The following NLGN1 variants were observed in gnomAD, a reference collection of about 807,000 sequenced individuals.
The protein encoded by NLGN1 is neuroligin-1.
NLGN1 carries 12 observed loss-of-function variants against 65.5 expected under a neutral mutation model. The observed-to-expected ratio is 0.18, with a 90% CI of 0.12 to 0.30. The LOEUF (loss-of-function observed/expected upper bound fraction) is 0.30. NLGN1 is among the 10% of genes least tolerant of loss of function. The pLI, the probability that NLGN1 is intolerant of heterozygous loss-of-function variation, is 1.00. For synonymous variants in NLGN1, 350 were observed against 359.5 expected (o/e 0.97, Z 0.30); for missense variants, 750 against 1,007.1 (o/e 0.74, Z 3.46).
chr3:173,827,342 A>G (rs181493855), intron 4 of NLGN1, among the ~76,000 whole-genome samples: 192 of 152,166 alleles, frequency 1.3e-3, no homozygotes, highest in African/African-American at 4.4e-3. Context: ...ATTTAAGGGA[A>G]CAAAATTGCT....
chr3:173,935,636 TCTC>T (rs1744939101), intron 4 of NLGN1, among the ~76,000 whole-genome samples: 6 of 109,794 alleles, frequency 5.5e-5, no homozygotes, highest in African/African-American at 2.2e-4. Flanking sequence ...TCTCTCTCTC[TCTC>T]TCTCTCTCTC....
chr3:173,806,922 G>A (rs1490727572), intron 3 of NLGN1, among the ~76,000 whole-genome samples: 2 of 152,216 alleles, frequency 1.3e-5, no homozygotes, highest in South Asian at 4.1e-4. Flanking sequence ...GCCAAAGCGT[G>A]AAGAAGAAGA....
intron 4 of NLGN1, among the ~76,000 whole-genome samples, chr3:173,828,743 C>T (rs190758163): frequency 1.3e-5 from 2 of 152,012 alleles, no homozygotes; most frequent in African/African-American, 4.8e-5. Context: ...GAAAATATAT[C>T]ATGTTGATAT....
At chr3:173,883,555 T>C (rs1430163400) in intron 4 of NLGN1, among the ~76,000 whole-genome samples, 2 of 152,172 alleles carry the variant, frequency 1.3e-5, no homozygotes, top group Non-Finnish European at 2.9e-5. Context: ...TGATGCAATG[T>C]TGCCACAAAT....
chr3:173,396,120 C>G (rs1228009666), upstream of NLGN1, among the ~76,000 whole-genome samples: 2 of 152,172 alleles, frequency 1.3e-5, no homozygotes, highest in Non-Finnish European at 2.9e-5. Context: ...GCCACCTCCC[C>G]GCCTATGATT....
chr3:174,203,623 A>C (rs1734897982), intron 4 of NLGN1, among the ~76,000 whole-genome samples: 1 of 152,192 alleles, frequency 6.6e-6, no homozygotes. Flanking sequence ...AAATGGATGA[A>C]AGATCAAAGA....
In NLGN1 at chr3:173,901,363, T is replaced by TGG. The variant is rs1387951154; in HGVS notation, c.646+93531_646+93532insGG. 2.2e-4 allele frequency among the ~76,000 whole-genome samples: 29 copies of TGG among 133,404 alleles called. 1 individual carries two copies. In the East Asian group the frequency reaches 4.3e-3, roughly 20 times the overall value. The allele number at this position is 133,404 out of a possible 152,430, so 87.5% of individuals were successfully genotyped here. A position where few individuals can be genotyped will look rare whatever the true frequency, so the allele number is the denominator to read the frequency against. On this transcript the variant is annotated intron_variant, in intron 4 of 6. Coordinates refer to ENST00000457714, the Ensembl canonical transcript of NLGN1. ...AATATTTGAAAAACTAGTATTTTTT[T>TGG]TGGGGGGGTGTGTGTGTGTGTGTTT...
intron 4 of NLGN1, among the ~76,000 whole-genome samples, chr3:174,271,120 A>C (rs1749314183): frequency 6.6e-6 from 1 of 151,830 alleles, no homozygotes; most frequent in African/African-American, 2.4e-5. Flanking sequence ...CTTGAGCTAC[A>C]TAATGTGGAC....
At chr3:173,584,697 G>C (rs1747036463) in intron 2 of NLGN1, 1 of 150,852 alleles carries the variant, frequency 6.6e-6, no homozygotes, top group South Asian at 2.1e-4. Context: ...GTGGCTTTGG[G>C]TCCCCAGGAT....
chr3:173,628,972 G>T (rs1195896897), intron 3 of NLGN1, among the ~76,000 whole-genome samples: 1 of 144,274 alleles, frequency 6.9e-6, no homozygotes, highest in South Asian at 2.3e-4. Context: ...GGGATTACAC[G>T]CTGAATATAA....
intron 4 of NLGN1, among the ~76,000 whole-genome samples, chr3:173,973,300 T>A (rs1716693859): frequency 6.6e-6 from 1 of 152,128 alleles, no homozygotes; most frequent in South Asian, 2.1e-4. Context: ...ATTGCCCGCT[T>A]AGTAGCCAAG....
intron 2 of NLGN1, among the ~76,000 whole-genome samples, chr3:173,527,634 T>C (rs900909269): frequency 7.9e-5 from 12 of 152,218 alleles, no homozygotes; most frequent in Non-Finnish European, 1.8e-4. Flanking sequence ...CCTGACCTCG[T>C]GATCTGCCCG....
intron 4 of NLGN1, among the ~76,000 whole-genome samples, chr3:173,990,790 TATTA>T (rs776046760): frequency 1.3e-5 from 2 of 152,210 alleles, no homozygotes; most frequent in African/African-American, 4.8e-5. Flanking sequence ...TAATGAAAGA[TATTA>T]ATTCTATATT....
At chr3:173,597,931 A>G (rs193084269) in intron 2 of NLGN1, among the ~76,000 whole-genome samples, 3 of 151,758 alleles carry the variant, frequency 2.0e-5, no homozygotes, top group African/African-American at 7.3e-5. Flanking sequence ...GTTTTCAAAC[A>G]TTTTTTTCTG....
At chr3:173,745,282 A>C (rs1213003886) in intron 3 of NLGN1, among the ~76,000 whole-genome samples, 2 of 152,060 alleles carry the variant, frequency 1.3e-5, no homozygotes, top group Non-Finnish European at 2.9e-5. Context: ...CCATCCACTG[A>C]AAGAACATTC....
chr3:173,639,646 T>A (rs1014147950), intron 3 of NLGN1, among the ~76,000 whole-genome samples: 1 of 152,194 alleles, frequency 6.6e-6, no homozygotes, highest in African/African-American at 2.4e-5. Context: ...GGACTAGCAA[T>A]GATTCTCCTG....
At chr3:174,072,025 A>C (rs1284420538) in intron 4 of NLGN1, among the ~76,000 whole-genome samples, 1 of 152,330 alleles carries the variant, frequency 6.6e-6, no homozygotes, top group Middle Eastern at 3.4e-3. Context: ...AAAGGACCAG[A>C]ATGAATTAAA....
At chr3:174,169,112 C>T (rs1728064903) in intron 4 of NLGN1, among the ~76,000 whole-genome samples, 1 of 150,230 alleles carries the variant, frequency 6.7e-6, no homozygotes, top group Non-Finnish European at 1.5e-5. Flanking sequence ...GGTCTCTGTA[C>T]AGGAAGGGTG....
chr3:173,718,099 G>T (rs997147906), intron 3 of NLGN1, among the ~76,000 whole-genome samples: 2 of 151,824 alleles, frequency 1.3e-5, no homozygotes, highest in African/African-American at 4.8e-5. Context: ...ATCAAATTAG[G>T]GTATTTCGTA....
Sources: allele counts gnomAD v4.1 joint callset (sites outside exome capture counted in the v4.1 genomes callset), GRCh38; gene constraint gnomAD v4.1.1; transcripts MANE v1.5; gene names NCBI Gene and HGNC (gene_info 2026-07-23, HGNC 2026-07-21).